Variants in KCNH5 observed in about 807,000 individuals in gnomAD.
The protein encoded by KCNH5 is potassium voltage-gated channel subfamily H member 5, also known as voltage-gated delayed rectifier potassium channel KCNH5.
In KCNH5, 46 loss-of-function variants were observed where a neutral mutation model predicts 96.1. The observed-to-expected ratio is 0.48, with a 90% confidence interval of 0.38 to 0.61. The LOEUF (loss-of-function observed/expected upper bound fraction) is 0.61. Among genes scored for constraint, KCNH5 ranks in the 20% least tolerant of loss-of-function variants. KCNH5 has a pLI of 0.00. For synonymous variants in KCNH5, 439 were observed against 449.8 expected (o/e 0.98, Z 0.30); for missense variants, 907 against 1,225.8 (o/e 0.74, Z 3.88).
intron 10 of KCNH5, among the ~76,000 whole-genome samples, chr14:62,743,897 G>A (rs1321496208): frequency 6.6e-6 from 1 of 152,162 alleles, no homozygotes; most frequent in Non-Finnish European, 1.5e-5. Flanking sequence ...GCAAGGAAGA[G>A]AAAGCTGGTT....
At chr14:62,840,798 C>T (rs1887569627) in intron 8 of KCNH5, among the ~76,000 whole-genome samples, 1 of 151,652 alleles carries the variant, frequency 6.6e-6, no homozygotes, top group South Asian at 2.1e-4. Context: ...TCGCTCCTGA[C>T]CTCATGATCC....
chr14:62,767,375 T>C (rs1394304134), intron 10 of KCNH5, among the ~76,000 whole-genome samples: 1 of 152,188 alleles, frequency 6.6e-6, no homozygotes, highest in Non-Finnish European at 1.5e-5. Flanking sequence ...CACACATGCA[T>C]ATTTTCACTG....
chr14:62,893,298 G>A (rs1888747568), intron 7 of KCNH5, among the ~76,000 whole-genome samples: 1 of 152,180 alleles, frequency 6.6e-6, no homozygotes, highest in African/African-American at 2.4e-5. Context: ...AAGAGAACTA[G>A]AATTAGAACT....
At chr14:62,780,373 T>C (rs1167181250) in intron 9 of KCNH5, among the ~76,000 whole-genome samples, 1 of 152,176 alleles carries the variant, frequency 6.6e-6, no homozygotes, top group Non-Finnish European at 1.5e-5. Flanking sequence ...ATACACATTA[T>C]TCAGTAACTA....
intron 8 of KCNH5, among the ~76,000 whole-genome samples, chr14:62,827,051 T>C (rs993766300): frequency 2.0e-5 from 3 of 152,054 alleles, no homozygotes; most frequent in Non-Finnish European, 2.9e-5. Flanking sequence ...TTCTATTATG[T>C]AAGGAGCACA....
chr14:62,716,269 T>C (rs961085787), intron 10 of KCNH5, among the ~76,000 whole-genome samples: 15 of 152,340 alleles, frequency 9.8e-5, no homozygotes, highest in East Asian at 5.8e-4. Flanking sequence ...GTATCAAACA[T>C]TGCAGTAGCC....
At chr14:62,792,821 A>G (rs1242452685) in intron 9 of KCNH5, among the ~76,000 whole-genome samples, 1 of 151,724 alleles carries the variant, frequency 6.6e-6, no homozygotes, top group African/African-American at 2.4e-5. Flanking sequence ...ATTGAAATCA[A>G]AATCTCAAAG....
intron 1 of KCNH5, among the ~76,000 whole-genome samples, chr14:63,027,985 C>T (rs559033656): frequency 1.8e-4 from 28 of 152,188 alleles, no homozygotes; most frequent in African/African-American, 5.3e-4. Flanking sequence ...TCTACAATTT[C>T]TAACCTATTT....
At chr14:62,853,474 TATATATC>T (rs1354222656) in intron 7 of KCNH5, among the ~76,000 whole-genome samples, 13 of 112,574 alleles carry the variant, frequency 1.2e-4, no homozygotes, top group East Asian at 6.3e-4. Context: ...TATATATATA[TATATATC>T]ATATATATAT....
intron 8 of KCNH5, among the ~76,000 whole-genome samples, chr14:62,804,972 C>G (rs374150981): frequency 6.6e-6 from 1 of 152,160 alleles, no homozygotes; most frequent in East Asian, 1.9e-4. Context: ...GGTTTCCAGA[C>G]AGAATTAAGA....
At chr14:63,009,668 G>A (rs1891189868) in intron 2 of KCNH5, among the ~76,000 whole-genome samples, 1 of 152,160 alleles carries the variant, frequency 6.6e-6, no homozygotes, top group African/African-American at 2.4e-5. Context: ...GTGTTCTGGA[G>A]GTTAATTCAA....
intron 10 of KCNH5, among the ~76,000 whole-genome samples, chr14:62,764,511 A>G (rs972950636): frequency 6.6e-6 from 1 of 152,194 alleles, no homozygotes; most frequent in African/African-American, 2.4e-5. Context: ...CAGCACTGGA[A>G]GTGCTAGCCA....
At chr14:62,746,156 C>G (rs1885371077) in intron 10 of KCNH5, among the ~76,000 whole-genome samples, 1 of 152,204 alleles carries the variant, frequency 6.6e-6, no homozygotes, top group Non-Finnish European at 1.5e-5. Context: ...GCATTCACTT[C>G]TCTTCAACAA....
At chr14:62,866,483 T>A (rs1888136728) in intron 7 of KCNH5, among the ~76,000 whole-genome samples, 2 of 152,186 alleles carry the variant, frequency 1.3e-5, no homozygotes, top group Admixed American at 1.3e-4. Context: ...GCTTGACATG[T>A]ATGGAATAAA....
In KCNH5 at chr14:62,703,908, T is replaced by C. The variant is rs1884385316; in HGVS notation, c.*3600A>G. 6.6e-6 allele frequency: 1 copy of C among 151,848 alleles called. No individual in the cohort carries two copies. The highest frequency in any genetic ancestry group is 2.4e-5 in the African/African-American group (1 of 41,414). The allele number at this position is 151,848 out of a possible 1,614,324, so 9.4% of individuals were successfully genotyped here. A position where few individuals can be genotyped will look rare whatever the true frequency, so the allele number is the denominator to read the frequency against. On this transcript the variant is annotated 3_prime_UTR_variant, in exon 11 of 11. Transcript: ENST00000322893. Reference sequence around the variant, plus strand: ...AATATGATGAATAATTTCACAAATATCTGCCACTGCACACTTCAAAACAGT... The same window carrying C: ...AATATGATGAATAATTTCACAAATACCTGCCACTGCACACTTCAAAACAGT...
chr14:62,898,673 A>C (rs1795697798), intron 7 of KCNH5, among the ~76,000 whole-genome samples: 1 of 152,174 alleles, frequency 6.6e-6, no homozygotes, highest in African/African-American at 2.4e-5. Flanking sequence ...ACAGAGAAAT[A>C]CTCAGCAAAA....
At chr14:62,837,369 G>A (rs952006408) in intron 8 of KCNH5, among the ~76,000 whole-genome samples, 20 of 152,134 alleles carry the variant, frequency 1.3e-4, no homozygotes, top group African/African-American at 4.3e-4. Flanking sequence ...TACTGAAATG[G>A]GGAAGTATAT....
At chr14:62,877,657 A>G (rs1888403495) in intron 7 of KCNH5, among the ~76,000 whole-genome samples, 1 of 152,092 alleles carries the variant, frequency 6.6e-6, no homozygotes. Context: ...ACCATCTCAC[A>G]CCAGTTAGAA....
intron 10 of KCNH5, among the ~76,000 whole-genome samples, chr14:62,763,051 C>G (rs533169789): frequency 1.5e-4 from 23 of 152,236 alleles, no homozygotes; most frequent in African/African-American, 5.5e-4. Flanking sequence ...ACCTAAAAGG[C>G]ATCTGCAGAA....
Sources: allele counts gnomAD v4.1 joint callset (sites outside exome capture counted in the v4.1 genomes callset), GRCh38; gene constraint gnomAD v4.1.1; transcripts MANE v1.5; gene names NCBI Gene and HGNC (gene_info 2026-07-23, HGNC 2026-07-21).